The following CBX7 variants were observed in gnomAD, a reference collection of about 807,000 sequenced individuals.
The protein encoded by CBX7 is chromobox 7.
In CBX7, 14 loss-of-function variants were observed where a neutral mutation model predicts 31.4. That is an observed-to-expected ratio of 0.45 (90% confidence interval 0.29 to 0.70). CBX7 has a LOEUF of 0.70. CBX7 is among the 30% of genes least tolerant of loss of function. CBX7 has a pLI of 0.11. For missense variants in CBX7, 269 were observed against 351.9 expected (o/e 0.76, Z 1.89); for synonymous variants, 159 against 152.6 (o/e 1.04, Z -0.31).
At chr22:39,144,075 G>A (rs923666121) in intron 2 of CBX7, among the ~76,000 whole-genome samples, 7 of 151,878 alleles carry the variant, frequency 4.6e-5, no homozygotes, top group Non-Finnish European at 8.8e-5. Context: ...CTGCCCTGCC[G>A]CCTCCCAATC....
chr22:39,144,013 G>A (rs985691632), intron 2 of CBX7, among the ~76,000 whole-genome samples: 3 of 152,236 alleles, frequency 2.0e-5, no homozygotes. Context: ...TAAGACGGAA[G>A]GCAATGGGCG....
chr22:39,141,173 C>A, intron 3 of CBX7, 198 bp downstream of exon 3: 1 of 540,808 alleles, frequency 1.8e-6, no homozygotes. Flanking sequence ...GATCACCCAA[C>A]AACAGGAAAG....
intron 2 of CBX7, chr22:39,149,426 C>A: frequency 2.6e-6 from 1 of 380,820 alleles, no homozygotes; most frequent in Non-Finnish European, 4.9e-6. Flanking sequence ...GTGCTTAAAG[C>A]AGCTGGGGTC....
At chr22:39,144,316 T>A (rs1468876875) in intron 2 of CBX7, among the ~76,000 whole-genome samples, 2 of 152,018 alleles carry the variant, frequency 1.3e-5, no homozygotes, top group Non-Finnish European at 2.9e-5. Flanking sequence ...GCCCCATCCC[T>A]CCAGTCAACT....
rs1930880518 is a variant in CBX7, at chr22:39,152,124, T to C, written c.69+252A>G. 6.6e-6 allele frequency among the ~76,000 whole-genome samples: 1 copy of C among 152,178 alleles called. No homozygotes were observed. Among genetic ancestry groups the C allele is most frequent in the Admixed American group, 6.5e-5 (1 of 15,286 alleles). Reference sequence around the variant, plus strand: ...GAGGTGGGATGGCGCTGAGGATCCCTACGTCCGATCCTAATCTCCAGCTCA... The same window carrying C: ...GAGGTGGGATGGCGCTGAGGATCCCCACGTCCGATCCTAATCTCCAGCTCA... On this transcript the variant is annotated intron_variant, in intron 1 of 5. Transcript: ENST00000216133. The surrounding 1 kb of genome is among the most constrained non-coding windows in gnomAD (Gnocchi z 4.9).
At chr22:39,135,480 C>T (rs979732224) in intron 4 of CBX7, 2 of 151,974 alleles carry the variant, frequency 1.3e-5, no homozygotes, top group Non-Finnish European at 2.9e-5. Flanking sequence ...TGTTGGGAGA[C>T]TCTGGATCAC....
chr22:39,144,129 T>C (rs998991677), intron 2 of CBX7, among the ~76,000 whole-genome samples: 3 of 152,154 alleles, frequency 2.0e-5, no homozygotes, highest in African/African-American at 7.2e-5. Context: ...GGGAACTACC[T>C]AACGCTAGTT....
rs1359071464 is a variant in CBX7, at chr22:39,152,170, G to C, written c.69+206C>G. On this transcript the variant is annotated intron_variant, in intron 1 of 5. Coordinates refer to ENST00000216133, the MANE Select transcript of CBX7 (RefSeq NM_175709.5). The surrounding 1 kb of genome is among the most constrained non-coding windows in gnomAD (Gnocchi z 4.9). ...GCTCAGGCAGGCTCGGCCGCCACTA[G>C]CATCCTGGAGCGACAACTTTTGTTC... Among the ~76,000 whole-genome samples, 2 of 152,224 alleles carry C rather than the reference G, an allele frequency of 1.3e-5. No individual in the cohort carries two copies. The highest frequency in any genetic ancestry group is 1.9e-4 in the East Asian group (1 of 5,156).
intron 4 of CBX7, 30 bp from the exon 5 acceptor site, chr22:39,134,782 C>A: frequency 7.4e-7 from 1 of 1,358,128 alleles, no homozygotes; most frequent in Non-Finnish European, 9.8e-7. Context: ...CAGCGCGGGT[C>A]AGCCCCACCC....
intron 2 of CBX7, among the ~76,000 whole-genome samples, chr22:39,143,302 A>AC (rs398037145): frequency 2.0e-5 from 3 of 151,686 alleles, no homozygotes; most frequent in African/African-American, 7.3e-5. Flanking sequence ...ATTAAAAAAA[A>AC]CTTTAAAAGT....
chr22:39,149,747 C>T (rs1310276162), intron 2 of CBX7, 42 bp downstream of exon 2: 11 of 1,595,058 alleles, frequency 6.9e-6, no homozygotes, highest in East Asian at 6.7e-5. Context: ...ATGCATGGGT[C>T]GGTAGGCAGA....
At chr22:39,149,625 G>T (rs1451182465) in intron 2 of CBX7, 164 bp downstream of exon 2, 1 of 667,106 alleles carries the variant, frequency 1.5e-6, no homozygotes, top group African/African-American at 1.8e-5. Flanking sequence ...GTGGTCCAGG[G>T]GGAAACTGAG....
Position 39,152,012 on chromosome 22 carries a change from T to A in CBX7, c.69+364A>T, listed in dbSNP as rs1930876254. 6.6e-6 allele frequency among the ~76,000 whole-genome samples: 1 copy of A among 152,092 alleles called. No individual in the cohort carries two copies. The highest frequency in any genetic ancestry group is 2.1e-4 in the South Asian group (1 of 4,816). On this transcript the variant is annotated intron_variant, in intron 1 of 5. Transcript: ENST00000216133. This position sits in a 1 kb window ranked among gnomAD's most constrained non-coding sequence, Gnocchi z 4.9. ...GGTGCCAAGCGTCCAGAGTCCCGAG[T>A]TCAAAACCCAGCTCTGACCATAACG...
intron 3 of CBX7, among the ~76,000 whole-genome samples, chr22:39,139,724 A>C (rs1311859896): frequency 1.4e-5 from 2 of 138,604 alleles, no homozygotes; most frequent in Admixed American, 7.8e-5. Flanking sequence ...AAAAAAAAGA[A>C]AGAAAGAAAA....
chr22:39,149,959 C>A, intron 1 of CBX7, 127 bp from the exon 2 acceptor site: 8 of 756,756 alleles, frequency 1.1e-5, no homozygotes, highest in South Asian at 8.7e-5. Context: ...CCCCAACACA[C>A]AAACACAATC....
chr22:39,136,148 G>A (rs1412006698), intron 4 of CBX7: 6 of 151,914 alleles, frequency 3.9e-5, no homozygotes, highest in African/African-American at 1.5e-4. Flanking sequence ...GCAAGGCAGG[G>A]TCTTCTACGT....
chr22:39,140,322 T>C (rs1930408939), intron 3 of CBX7, among the ~76,000 whole-genome samples: 1 of 152,156 alleles, frequency 6.6e-6, no homozygotes, highest in African/African-American at 2.4e-5. Flanking sequence ...ACTGCTCTCC[T>C]TACCACGCTC....
At chr22:39,145,009 C>T (rs12165612) in intron 2 of CBX7, among the ~76,000 whole-genome samples, 12,062 of 152,240 alleles carry the variant, frequency 0.079, 593 homozygotes, top group African/African-American at 0.13. Context: ...CAGGCTCCTC[C>T]CAGGCCACCG....
chr22:39,152,286 T>C lies in CBX7; in HGVS notation c.69+90A>G. 1.2e-6 allele frequency: 1 copy of C among 855,826 alleles called. No individual in the cohort carries two copies. The highest frequency in any genetic ancestry group is 1.5e-6 in the Non-Finnish European group (1 of 652,780). 53.0% of individuals were successfully genotyped at this position (855,826 alleles called of 1,614,324 possible). On this transcript the variant is annotated intron_variant, in intron 1 of 5. Coordinates refer to ENST00000216133, the MANE Select transcript of CBX7 (RefSeq NM_175709.5). The surrounding 1 kb of genome is among the most constrained non-coding windows in gnomAD (Gnocchi z 4.9). ...GGCTGCCGGGGCCCCCGCGCCCCGCTTTCCCCTTCAGCCCCAGCGTGGAGG... is the reference window on the plus strand; with the variant it reads ...GGCTGCCGGGGCCCCCGCGCCCCGCCTTCCCCTTCAGCCCCAGCGTGGAGG...
Sources: gnomAD v4.1 joint callset for allele counts (sites outside exome capture counted in the v4.1 genomes callset) on GRCh38, gnomAD v4.1.1 for gene constraint, Gnocchi (gnomAD v3.1) non-coding constraint, MANE v1.5 for transcripts, NCBI Gene and HGNC (gene_info 2026-07-23, HGNC 2026-07-21) for gene names.